COL6A5: variants seen among roughly 807,000 people sequenced by gnomAD.
COL6A5 encodes collagen type VI alpha 5 chain.
In COL6A5, 48 loss-of-function variants were observed where a neutral mutation model predicts 65.6. That is an observed-to-expected ratio of 0.73 (90% confidence interval 0.58 to 0.93). The LOEUF (loss-of-function observed/expected upper bound fraction) is 0.93. Among genes scored for constraint, COL6A5 ranks in the 40% least tolerant of loss-of-function variants. The pLI is 0.00. For synonymous variants in COL6A5, 291 were observed against 322.8 expected (o/e 0.90, Z 1.05); for missense variants, 914 against 928.3 (o/e 0.98, Z 0.20).
At chr3:130,360,005 AACTACATC>A (rs1935054892) in intron 1 of COL6A5, among the ~76,000 whole-genome samples, 4 of 152,134 alleles carry the variant, frequency 2.6e-5, no homozygotes, top group Admixed American at 2.0e-4. Flanking sequence ...GGGGAATGAC[AACTACATC>A]AGCTCAAAAT....
chr3:130,465,428 G>GT lies in COL6A5; in HGVS notation c.1545-3359dup, dbSNP rs528088248. Reference sequence around the variant, plus strand: ...TTTGCTCAACAGGGCTAGGAATCATGTTTTTTTTCCCACCAGCAAGCCTGG... The same window carrying GT: ...TTTGCTCAACAGGGCTAGGAATCATGTTTTTTTTTCCCACCAGCAAGCCTGG... On this transcript the variant is annotated intron_variant, in intron 5 of 7. Transcript: ENST00000512836. Among the ~76,000 whole-genome samples, 138 of 151,944 alleles carry GT rather than the reference G, an allele frequency of 9.1e-4. 2 individuals carry two copies. Among genetic ancestry groups the GT allele is most frequent in the South Asian group, 4.4e-3 (21 of 4,798 alleles).
chr3:130,432,026 G>C, intron 1 of COL6A5, 77 bp downstream of exon 33: 1 of 1,425,762 alleles, frequency 7.0e-7, no homozygotes, highest in Non-Finnish European at 9.4e-7. Context: ...GGGAGTGGTA[G>C]AGAGTCAAGA....
chr3:130,388,122 C>T (rs922661234), intron 5 of COL6A5, among the ~76,000 whole-genome samples: 1 of 151,894 alleles, frequency 6.6e-6, no homozygotes, highest in Admixed American at 6.6e-5. Context: ...TTAGAATTAT[C>T]CCAGAAAATA....
Position 130,365,269 on chromosome 3 carries a change from A to ATGTTTTGTTTTGTTTTGTTT in COL6A5, c.-28-8334_-28-8315dup, listed in dbSNP as rs61258830. ...AAAATCAACAGATGTCTCCTTTAAG[A>ATGTTTTGTTTTGTTTTGTTT]TGTTTTGTTTTGTTTTGTTTTGTTT... is the stretch of plus-strand genomic sequence containing the variant. On this transcript the variant is annotated intron_variant and NMD_transcript_variant, in intron 1 of 41. Transcript: ENST00000312481. Among the ~76,000 whole-genome samples the ATGTTTTGTTTTGTTTTGTTT allele has an allele frequency of 1.9e-4, 29 of 152,030 alleles. No homozygotes were observed. The South Asian group carries it at 5.2e-3, about 27-fold the overall frequency.
chr3:130,400,774 G>T (rs943647302), intron 10 of COL6A5, among the ~76,000 whole-genome samples: 1 of 152,200 alleles, frequency 6.6e-6, no homozygotes, highest in African/African-American at 2.4e-5. Flanking sequence ...CTGTAGATTT[G>T]TAAATCGTTT....
intron 5 of COL6A5, among the ~76,000 whole-genome samples, chr3:130,462,209 G>C (rs188918389): frequency 6.6e-6 from 1 of 152,060 alleles, no homozygotes. Flanking sequence ...GCCCCAACAC[G>C]TGCCTTTAGA....
At chr3:130,478,921 T>G (rs796798533) in intron 7 of COL6A5, among the ~76,000 whole-genome samples, 29 of 152,140 alleles carry the variant, frequency 1.9e-4, no homozygotes, top group African/African-American at 7.0e-4. Flanking sequence ...TAAATTTCAT[T>G]TTGTAATCTG....
In COL6A5 at chr3:130,376,737, C is replaced by T. The variant is rs569020480; in HGVS notation, c.568C>T (p.Arg190Trp). ...CACATCCCATTTCCATTTCAACCTT[C>T]GGACAATCAGAGACCTCAGCACATT... Residue 190 changes from arginine to tryptophan, a missense_variant and NMD_transcript_variant, in exon 3 of 42, where the codon CGG becomes TGG. By Grantham distance (101) the Arg-to-Trp change is moderately radical. Coordinates refer to the COL6A5 transcript ENST00000312481. 1.2e-5 allele frequency: 20 copies of T among 1,613,678 alleles called. 1 individual carries two copies. Among genetic ancestry groups the T allele is most frequent in the Admixed American group, 6.7e-5 (4 of 59,978 alleles).
chr3:130,439,315 G>T (rs990736173), intron 1 of COL6A5, among the ~76,000 whole-genome samples: 1 of 148,524 alleles, frequency 6.7e-6, no homozygotes, highest in Non-Finnish European at 1.5e-5. Context: ...TACTTTTTGT[G>T]TTATGTTTGG....
intron 5 of COL6A5, among the ~76,000 whole-genome samples, chr3:130,464,915 G>A (rs1367084119): frequency 6.6e-6 from 1 of 152,094 alleles, no homozygotes; most frequent in Non-Finnish European, 1.5e-5. Context: ...AGAAGCAAAA[G>A]AAGCATCTCA....
chr3:130,451,690 G>C (rs1709442453), intron 4 of COL6A5, among the ~76,000 whole-genome samples: 1 of 152,054 alleles, frequency 6.6e-6, no homozygotes, highest in African/African-American at 2.4e-5. Context: ...AAGATCATCG[G>C]GGGTGACCGT....
At chr3:130,472,780 A>G (rs1709985150) in intron 7 of COL6A5, among the ~76,000 whole-genome samples, 1 of 148,128 alleles carries the variant, frequency 6.8e-6, no homozygotes, top group African/African-American at 2.5e-5. Context: ...ATAAAATCCC[A>G]TATAGGGGCA....
At chr3:130,471,006 T>G in intron 7 of COL6A5, 39 bp downstream of exon 39, 1 of 1,392,934 alleles carries the variant, frequency 7.2e-7, no homozygotes, top group Non-Finnish European at 1.0e-6. Context: ...ATACCACAAC[T>G]GGAAACAGTT....
intron 1 of COL6A5, among the ~76,000 whole-genome samples, chr3:130,347,382 T>G (rs187627753): frequency 2.1e-3 from 318 of 151,480 alleles, no homozygotes; most frequent in African/African-American, 7.3e-3. Context: ...ATATATATAT[T>G]AAGTTAAAAC....
At chr3:130,388,805 A>G (rs1936289421) in exon 6 of COL6A5, 5 of 1,551,414 alleles carry the variant, frequency 3.2e-6, no homozygotes, top group Non-Finnish European at 3.5e-6. Context: ...GATGCAATAG[A>G]TAGAATGTCT....
upstream of COL6A5, among the ~76,000 whole-genome samples, chr3:130,430,535 A>G (rs1330723853): frequency 6.6e-6 from 1 of 152,226 alleles, no homozygotes; most frequent in Non-Finnish European, 1.5e-5. Context: ...TCCTGTGTTC[A>G]GACTTTAACA....
intron 20 of COL6A5, among the ~76,000 whole-genome samples, chr3:130,412,876 C>G (rs767883336): frequency 6.6e-6 from 1 of 152,080 alleles, no homozygotes; most frequent in Non-Finnish European, 1.5e-5. Flanking sequence ...ATTTCCATGG[C>G]TACATTTCTG....
intron 7 of COL6A5, 134 bp from the exon 8 acceptor site, chr3:130,394,752 TTCTC>T (rs985632053): frequency 6.9e-5 from 44 of 633,578 alleles, no homozygotes; most frequent in African/African-American, 1.1e-4. Flanking sequence ...GGATCAGTGA[TTCTC>T]TCTCTTGTTA....
At chr3:130,440,966 A>G in intron 3 of COL6A5, 141 bp downstream of exon 35, 5 of 724,340 alleles carry the variant, frequency 6.9e-6, no homozygotes, top group Admixed American at 2.9e-5. Flanking sequence ...GGAATGGATC[A>G]TTTGCTGGTT....
Sources: gnomAD v4.1 joint callset for allele counts (sites outside exome capture counted in the v4.1 genomes callset) on GRCh38, gnomAD v4.1.1 for gene constraint, MANE v1.5 for transcripts, NCBI Gene and HGNC (gene_info 2026-07-23, HGNC 2026-07-21) for gene names.